The following IPO11 variants were observed in gnomAD, a reference collection of about 807,000 sequenced individuals.
The protein encoded by IPO11 is importin-11.
A neutral mutation model predicts 143.2 loss-of-function variants in IPO11; 66 were observed. The ratio of observed to expected loss-of-function variants is 0.46; its 90% CI spans 0.38 to 0.57. The LOEUF (loss-of-function observed/expected upper bound fraction) is 0.57, where lower values mean the gene tolerates loss of function less well. Ranked by LOEUF, IPO11 falls within the 20% of genes least tolerant of loss-of-function variation. The pLI is 0.00. For synonymous variants in IPO11, 385 were observed against 377.8 expected (o/e 1.02, Z -0.22); for missense variants, 1,026 against 1,141.0 (o/e 0.90, Z 1.45).
At chr5:62,477,257 G>A (rs1448998833) in intron 9 of IPO11, among the ~76,000 whole-genome samples, 1 of 152,174 alleles carries the variant, frequency 6.6e-6, no homozygotes, top group Non-Finnish European at 1.5e-5. Context: ...TGGTCTTGAA[G>A]GATTGGGAGA....
rs375863671 is a variant in IPO11 at position 62,437,266 on chromosome 5, A to G, written c.-6-8A>G. The G allele has an allele frequency of 1.4e-4, 222 of 1,580,890 alleles. 2 individuals carry two copies. The Middle Eastern group carries it at 1.5e-3, about 11-fold the overall frequency. On this transcript the variant is annotated splice_region_variant and splice_polypyrimidine_tract_variant and intron_variant, in intron 1 of 29. Transcript: ENST00000325324. ...ACATATTCAAGTATGTTAACTTATC[A>G]TTGCCAGGTTTCCATGGATCTCAAT...
At chr5:62,544,136 CAG>C (rs1743064522) in intron 24 of IPO11, among the ~76,000 whole-genome samples, 1 of 152,088 alleles carries the variant, frequency 6.6e-6, no homozygotes, top group Non-Finnish European at 1.5e-5. Flanking sequence ...CAAAGCCTGG[CAG>C]AGACACAACA....
At chr5:62,609,188 A>G (rs947225661) in intron 29 of IPO11, among the ~76,000 whole-genome samples, 1 of 152,228 alleles carries the variant, frequency 6.6e-6, no homozygotes, top group Non-Finnish European at 1.5e-5. Flanking sequence ...GCCTAGTTTA[A>G]TAATGAAGGC....
chr5:62,449,165 G>GC (rs1744820083), intron 3 of IPO11, among the ~76,000 whole-genome samples: 1 of 152,030 alleles, frequency 6.6e-6, no homozygotes, highest in Non-Finnish European at 1.5e-5. Flanking sequence ...TCCCCAAAGT[G>GC]CTGGTATTAC....
chr5:62,414,709 C>A (rs1743228249), intron 1 of IPO11, among the ~76,000 whole-genome samples: 2 of 152,184 alleles, frequency 1.3e-5, no homozygotes, highest in African/African-American at 4.8e-5. Context: ...AGGCTCAATC[C>A]AGAGCTGCTG....
chr5:62,620,321 C>G (rs1365535313), intron 29 of IPO11, among the ~76,000 whole-genome samples: 2 of 152,060 alleles, frequency 1.3e-5, no homozygotes, highest in Non-Finnish European at 2.9e-5. Context: ...AGATTGAGAC[C>G]ATTCTGGCTA....
Position 62,435,154 on chromosome 5 carries a change from ATATATATGTATATATATG to A in IPO11, c.-6-2094_-6-2077del, listed in dbSNP as rs1415875923. Among the ~76,000 whole-genome samples, 32 of 62,696 alleles carry A rather than the reference ATATATATGTATATATATG, an allele frequency of 5.1e-4. 1 individual carries two copies. In the East Asian group the frequency reaches 0.016, roughly 31 times the overall value. The allele number at this position is 62,696 out of a possible 152,430, so 41.1% of individuals were successfully genotyped here. ...TATATATGTATATATGTATATATGT[ATATATATGTATATATATG>A]TATATATGTATATATATGTATATAT... On this transcript the variant is annotated intron_variant, in intron 1 of 29. Coordinates refer to ENST00000325324, the MANE Select transcript of IPO11 (RefSeq NM_016338.5).
At chr5:62,525,421 G>A (rs2112304241) in intron 20 of IPO11, among the ~76,000 whole-genome samples, 1 of 150,532 alleles carries the variant, frequency 6.6e-6, no homozygotes, top group South Asian at 2.1e-4. Context: ...GCTTTATCAT[G>A]TAGGTTGGAG....
chr5:62,465,314 A>G (rs1052661619), intron 5 of IPO11, among the ~76,000 whole-genome samples: 1 of 152,210 alleles, frequency 6.6e-6, no homozygotes, highest in Non-Finnish European at 1.5e-5. Flanking sequence ...TATTTTTTCA[A>G]TTCTGGATAT....
At chr5:62,416,276 C>T (rs962071020) in intron 1 of IPO11, among the ~76,000 whole-genome samples, 15 of 150,710 alleles carry the variant, frequency 1.0e-4, no homozygotes, top group East Asian at 3.9e-4. Context: ...TCCGCCTTCC[C>T]GGTTCAAGCG....
At chr5:62,445,978 A>C (rs1236571039) in intron 3 of IPO11, among the ~76,000 whole-genome samples, 1 of 152,210 alleles carries the variant, frequency 6.6e-6, no homozygotes, top group African/African-American at 2.4e-5. Context: ...AGTTTAAAGC[A>C]AAATATTGTA....
chr5:62,503,418 TA>T (rs1741426024), intron 16 of IPO11, among the ~76,000 whole-genome samples: 1 of 148,840 alleles, frequency 6.7e-6, no homozygotes, highest in Admixed American at 6.7e-5. Context: ...TATCTATTAA[TA>T]TATTAATAGT....
At chr5:62,480,455 G>GT (rs1259917713) in intron 9 of IPO11, among the ~76,000 whole-genome samples, 1 of 152,214 alleles carries the variant, frequency 6.6e-6, no homozygotes, top group African/African-American at 2.4e-5. Flanking sequence ...CTTTAAAGTA[G>GT]TTTTTTTCCA....
intron 3 of IPO11, among the ~76,000 whole-genome samples, chr5:62,447,091 G>T (rs1744743569): frequency 6.6e-6 from 1 of 150,984 alleles, no homozygotes; most frequent in African/African-American, 2.4e-5. Context: ...ATTTCTTTTG[G>T]TTCATAATTA....
chr5:62,544,170 A>C (rs1013594612), intron 24 of IPO11, among the ~76,000 whole-genome samples: 3 of 152,068 alleles, frequency 2.0e-5, no homozygotes, highest in African/African-American at 7.2e-5. Flanking sequence ...TTTTAGACCA[A>C]TATCCCTGAT....
At chr5:62,563,475 T>C (rs1340540317) in intron 27 of IPO11, among the ~76,000 whole-genome samples, 1 of 152,168 alleles carries the variant, frequency 6.6e-6, no homozygotes, top group Non-Finnish European at 1.5e-5. Context: ...ACATATAATA[T>C]TATGTAAGTG....
In IPO11 at chr5:62,627,355, C is replaced by T. The variant is rs754242086; in HGVS notation, c.*37C>T. ...ATGTGGCTGCCTCCCCTTTCAGAAA[C>T]AAGCTGAGTAACCCAGCCTGCCGTT... On this transcript the variant is annotated 3_prime_UTR_variant, in exon 30 of 30. Transcript: ENST00000325324. 5.7e-6 allele frequency: 9 copies of T among 1,585,170 alleles called. No individual in the cohort carries two copies. The highest frequency in any genetic ancestry group is 7.8e-6 in the Non-Finnish European group (9 of 1,160,152).
At chr5:62,470,686 T>C (rs2112199069) in intron 7 of IPO11, among the ~76,000 whole-genome samples, 1 of 152,074 alleles carries the variant, frequency 6.6e-6, no homozygotes. Flanking sequence ...TTTGTTTTTT[T>C]CTGTCTGATC....
intron 27 of IPO11, among the ~76,000 whole-genome samples, chr5:62,561,695 G>A (rs772408976): frequency 6.6e-6 from 1 of 152,008 alleles, no homozygotes; most frequent in Non-Finnish European, 1.5e-5. Context: ...TTCTAAGGAC[G>A]TTTGCAAGTT....
Sources: gnomAD v4.1 joint callset for allele counts (sites outside exome capture counted in the v4.1 genomes callset) on GRCh38, gnomAD v4.1.1 for gene constraint, MANE v1.5 for transcripts, NCBI Gene and HGNC (gene_info 2026-07-23, HGNC 2026-07-21) for gene names.